SUPT20H: variants seen among roughly 807,000 people sequenced by gnomAD.
The protein encoded by SUPT20H is transcription factor SPT20 homolog.
Under a neutral mutation model 122.8 loss-of-function variants are expected in SUPT20H, and 82 were observed. The observed-to-expected ratio is 0.67, with a 90% CI of 0.56 to 0.80. SUPT20H has a LOEUF of 0.80. SUPT20H is among the 30% of genes least tolerant of loss of function. SUPT20H has a pLI of 0.00. For missense variants in SUPT20H, 831 were observed against 921.6 expected (o/e 0.90, Z 1.27); for synonymous variants, 291 against 313.0 (o/e 0.93, Z 0.74).
intron 9 of SUPT20H, among the ~76,000 whole-genome samples, chr13:37,035,617 T>G (rs1286235733): frequency 6.6e-6 from 1 of 151,892 alleles, no homozygotes; most frequent in Non-Finnish European, 1.5e-5. Context: ...ACCTCCTGGG[T>G]TCAAGCAATT....
At chr13:37,036,557 T>A (rs1454316379) in intron 9 of SUPT20H, among the ~76,000 whole-genome samples, 2 of 152,098 alleles carry the variant, frequency 1.3e-5, no homozygotes. Flanking sequence ...CCTGCCCTCA[T>A]GATCCACCCG....
chr13:37,058,672 G>C (rs1307667915), intron 1 of SUPT20H, among the ~76,000 whole-genome samples: 1 of 152,140 alleles, frequency 6.6e-6, no homozygotes. Context: ...AAGGCAATCA[G>C]AACAACTGAC....
Position 37,026,789 on chromosome 13 carries a change from C to A in SUPT20H, c.1178+1G>T. On this transcript the variant is annotated splice_donor_variant, in intron 15 of 25. Transcript: ENST00000350612. LOFTEE classifies it high-confidence loss of function. ...ATTAAAATAGTTTATTTTTTAATTA[C>A]CAATTTGAATGATCATCTGTGGACG... The A allele has an allele frequency of 7.1e-7, 1 of 1,412,588 alleles. No individual in the cohort carries two copies. The highest frequency in any genetic ancestry group is 9.4e-7 in the Non-Finnish European group (1 of 1,063,170). 87.5% of individuals were successfully genotyped at this position (1,412,588 alleles called of 1,614,324 possible). A position where few individuals can be genotyped will look rare whatever the true frequency, so the allele number is the denominator to read the frequency against.
Position 37,026,096 on chromosome 13 carries a change from C to T in SUPT20H, c.1211+108G>A, listed in dbSNP as rs1251355356. 5 of 846,052 alleles carry T rather than the reference C, an allele frequency of 5.9e-6. No homozygotes were observed. The East Asian group carries it at 1.4e-4, about 24-fold the overall frequency. 52.4% of individuals were successfully genotyped at this position (846,052 alleles called of 1,614,324 possible). ...TATTAAACAGTGTAAATATGGTTAA[C>T]AGCATAACCAAAATCAAAGTTTTTA... On this transcript the variant is annotated intron_variant, in intron 16 of 25. Coordinates refer to ENST00000350612, the MANE Select transcript of SUPT20H (RefSeq NM_001014286.3).
Position 37,009,615 on chromosome 13 carries a change from T to C in SUPT20H, c.*57A>G. The C allele has an allele frequency of 6.2e-7, 1 of 1,602,364 alleles. No homozygotes were observed. The highest frequency in any genetic ancestry group is 8.5e-7 in the Non-Finnish European group (1 of 1,170,234). ...AAAAAAACAAAAAGTAGAAACTCAA[T>C]TCTTTTGATTCAGTGCTCTTGTGTT... On this transcript the variant is annotated 3_prime_UTR_variant, in exon 26 of 26. Coordinates refer to ENST00000350612, the MANE Select transcript of SUPT20H (RefSeq NM_001014286.3).
At position 37,022,025 on chromosome 13, in the gene SUPT20H, T is replaced by C. The variant is rs764761619; in HGVS notation, c.1647A>G (p.Val549=). The C allele has an allele frequency of 5.6e-6, 9 of 1,605,680 alleles. No homozygotes were observed. Among genetic ancestry groups the C allele is most frequent in the Non-Finnish European group, 7.7e-6 (9 of 1,173,884 alleles). ...ANSAGLNFIN[V]VGSVCGAQAL... ...TGCAAACTTACCAAACAGAGCCCAC[T>C]ACATTGATGAAGTTAAGTCCAGCAG... is the stretch of plus-strand genomic sequence containing the variant. The change falls in exon 20 of 26, where the codon GTA becomes GTG. Residue 549 remains valine, a synonymous_variant. Coordinates refer to ENST00000350612, the MANE Select transcript of SUPT20H (RefSeq NM_001014286.3). This position sits in a 1 kb window ranked among gnomAD's most constrained non-coding sequence, Gnocchi z 4.5.
chr13:37,009,937 T>C (rs1487201531), intron 25 of SUPT20H, 128 bp from the exon 26 acceptor site: 27 of 1,308,086 alleles, frequency 2.1e-5, no homozygotes, highest in Non-Finnish European at 2.7e-5. Flanking sequence ...AAAGGGACTA[T>C]ACCACATTGA....
Position 37,020,888 on chromosome 13 carries a change from T to C in SUPT20H, c.1816+560A>G, listed in dbSNP as rs193044162. ...AACTACTCCTAAATAAAAGAATGCT[T>C]ATCATGTCTCAGGCACAGTTTAAAC... On this transcript the variant is annotated intron_variant, in intron 21 of 25. Transcript: ENST00000350612. Among the ~76,000 whole-genome samples, 531 of 152,338 alleles carry C rather than the reference T, an allele frequency of 3.5e-3. 2 individuals carry two copies. The highest frequency in any genetic ancestry group is 0.012 in the African/African-American group (510 of 41,590).
chr13:37,035,202 T>C (rs1402600979), intron 9 of SUPT20H, among the ~76,000 whole-genome samples: 1 of 152,230 alleles, frequency 6.6e-6, no homozygotes, highest in Non-Finnish European at 1.5e-5. Context: ...CCATAGATAG[T>C]GATTCCTCTG....
At chr13:37,018,597 A>C (rs1281582931) in intron 22 of SUPT20H, among the ~76,000 whole-genome samples, 2 of 152,186 alleles carry the variant, frequency 1.3e-5, no homozygotes, top group African/African-American at 2.4e-5. Context: ...ACTAGCTTAA[A>C]GCTTACTCCT....
rs2066804199 is a variant in SUPT20H at position 37,047,859 on chromosome 13, A to G, written c.98+19T>C. 6.3e-7 allele frequency: 1 copy of G among 1,595,152 alleles called. No homozygotes were observed. The highest frequency in any genetic ancestry group is 8.6e-7 in the Non-Finnish European group (1 of 1,169,548). On this transcript the variant is annotated intron_variant, in intron 4 of 25. Coordinates refer to ENST00000350612, the MANE Select transcript of SUPT20H (RefSeq NM_001014286.3). ...CATATTTCAATGAATCTAAGATGTT[A>G]CCAATTAATTATTCATACCTTCCAC... is the stretch of plus-strand genomic sequence containing the variant.
chr13:37,012,340 C>A, intron 23 of SUPT20H, 43 bp from the exon 24 acceptor site: 2 of 1,486,758 alleles, frequency 1.3e-6, no homozygotes, highest in Non-Finnish European at 1.9e-6. Context: ...GAAAGAAAAA[C>A]AAATTTGAGC....
At position 37,009,597 on chromosome 13, in the gene SUPT20H, CAA is replaced by C. The variant is rs1340786387; in HGVS notation, c.*73_*74del. The C allele has an allele frequency of 3.2e-6, 5 of 1,574,948 alleles. No individual in the cohort carries two copies. Among genetic ancestry groups the C allele is most frequent in the African/African-American group, 2.7e-5 (2 of 73,900 alleles). On this transcript the variant is annotated 3_prime_UTR_variant, in exon 26 of 26. Transcript: ENST00000350612. ...TAAAATACTGACACATTAAAAAAAA[CAA>C]AAAGTAGAAACTCAATTCTTTTGAT...
intron 7 of SUPT20H, among the ~76,000 whole-genome samples, chr13:37,043,812 G>GACTCGC (rs2065929400): frequency 6.7e-6 from 1 of 150,084 alleles, no homozygotes; most frequent in Non-Finnish European, 1.5e-5. Context: ...TGAGACTGTA[G>GACTCGC]TGAGCTCAAA....
Position 37,047,937 on chromosome 13 carries a change from C to A in SUPT20H, c.40-1G>T. The stretch of plus-strand genomic sequence containing the variant: ...TCTGTCGGGCACTTTCAATGACATA[C>A]TAAAAAACAAAAGTTTATGAGAACA... On this transcript the variant is annotated splice_acceptor_variant, in intron 3 of 25. Transcript: ENST00000350612. LOFTEE classifies it high-confidence loss of function. 6.3e-7 allele frequency: 1 copy of A among 1,599,572 alleles called. No individual in the cohort carries two copies. Among genetic ancestry groups the A allele is most frequent in the Non-Finnish European group, 8.5e-7 (1 of 1,173,084 alleles).
chr13:37,048,611 A>G lies in SUPT20H; in HGVS notation c.4-12T>C, dbSNP rs1313854548. 1 of 1,599,018 alleles carries G rather than the reference A, an allele frequency of 6.3e-7. No homozygotes were observed. Among genetic ancestry groups the G allele is most frequent in the Admixed American group, 1.7e-5 (1 of 57,294 alleles). ...TCTAAAGCTTGTTGCTGTAAAAAGT[A>G]AATAGTATATTTGGTAATATTAGTT... is the stretch of plus-strand genomic sequence containing the variant. On this transcript the variant is annotated splice_polypyrimidine_tract_variant and intron_variant, in intron 2 of 25. Coordinates refer to ENST00000350612, the MANE Select transcript of SUPT20H (RefSeq NM_001014286.3).
In SUPT20H at chr13:37,044,172, G is replaced by C; in HGVS notation, c.302C>G (p.Thr101Ser). ...LRGKNGSDSETIRLPYEEGEL... is the reference protein window; with the variant it reads ...LRGKNGSDSESIRLPYEEGEL... ...TCCTTCTTCATAGGGCAGTCGAATG[G>C]TCTCGGAATCTTAATTTAAAACATG... Residue 101 changes from threonine (T) to serine (S), a missense_variant, in exon 7 of 26, where the codon ACC becomes AGC. By Grantham distance (58) the Thr-to-Ser change is moderately conservative. Coordinates refer to ENST00000350612, the MANE Select transcript of SUPT20H (RefSeq NM_001014286.3). 6.2e-7 allele frequency: 1 copy of C among 1,603,560 alleles called. No homozygotes were observed. Among genetic ancestry groups the C allele is most frequent in the Non-Finnish European group, 8.5e-7 (1 of 1,175,372 alleles).
intron 19 of SUPT20H, among the ~76,000 whole-genome samples, chr13:37,023,324 T>C (rs1206969027): frequency 2.0e-5 from 3 of 152,196 alleles, no homozygotes; most frequent in African/African-American, 4.8e-5. Flanking sequence ...TAGCTATCTA[T>C]AAAAAATCTA....
chr13:37,010,109 T>C (rs943053008), intron 25 of SUPT20H, among the ~76,000 whole-genome samples: 4 of 152,238 alleles, frequency 2.6e-5, no homozygotes, highest in East Asian at 3.8e-4. Flanking sequence ...TGATGGTTTA[T>C]AGCAATATAA....
Sources: allele counts gnomAD v4.1 joint callset (sites outside exome capture counted in the v4.1 genomes callset), GRCh38; gene constraint gnomAD v4.1.1; non-coding constraint Gnocchi (gnomAD v3.1); transcripts MANE v1.5; gene names NCBI Gene and HGNC (gene_info 2026-07-23, HGNC 2026-07-21).